CACNA2D1: variants seen among roughly 807,000 people sequenced by gnomAD.
CACNA2D1 encodes the protein voltage-dependent calcium channel subunit alpha-2/delta-1.
A neutral mutation model predicts 171.5 loss-of-function variants in CACNA2D1; 53 were observed. That is an observed-to-expected ratio of 0.31 (90% CI 0.25 to 0.39). The LOEUF (loss-of-function observed/expected upper bound fraction) is 0.39, where lower values mean the gene tolerates loss of function less well. CACNA2D1 is among the 10% of genes least tolerant of loss of function. CACNA2D1 has a pLI of 1.00. For missense variants in CACNA2D1, 903 were observed against 1,299.8 expected, an observed-to-expected ratio of 0.69 and a Z score of 4.69; for synonymous variants, 442 against 443.1, an observed-to-expected ratio of 1.00 and a Z score of 0.03.
chr7:82,048,376 A>C (rs2131289446), intron 10 of CACNA2D1, among the ~76,000 whole-genome samples: 1 of 152,286 alleles, frequency 6.6e-6, no homozygotes, highest in South Asian at 2.1e-4. Flanking sequence ...TGAACAAAAC[A>C]TTACAAAGGT....
intron 7 of CACNA2D1, among the ~76,000 whole-genome samples, chr7:82,073,843 C>T (rs977653742): frequency 9.2e-5 from 14 of 152,040 alleles, no homozygotes; most frequent in African/African-American, 2.9e-4. Flanking sequence ...TCAGGTGATC[C>T]GCCTGCCTCG....
intron 3 of CACNA2D1, among the ~76,000 whole-genome samples, chr7:82,304,358 A>T (rs1003257256): frequency 6.6e-6 from 1 of 151,962 alleles, no homozygotes; most frequent in South Asian, 2.1e-4. Context: ...TCCAAAAAAA[A>T]AAAAAAAGAA....
chr7:82,253,867 AT>A (rs1277996905), intron 3 of CACNA2D1, among the ~76,000 whole-genome samples: 1 of 152,080 alleles, frequency 6.6e-6, no homozygotes, highest in South Asian at 2.1e-4. Flanking sequence ...TAGATGGCAG[AT>A]TTTTTTTGGA....
At chr7:82,342,053 C>CA (rs60799157) in intron 2 of CACNA2D1, among the ~76,000 whole-genome samples, 13,375 of 65,368 alleles carry the variant, frequency 0.2, 2,610 homozygotes, top group East Asian at 0.41. Context: ...GACTCCGTCT[C>CA]AAAAAAAAAA....
intron 3 of CACNA2D1, among the ~76,000 whole-genome samples, chr7:82,212,904 T>C (rs898182035): frequency 2.1e-5 from 3 of 144,348 alleles, no homozygotes; most frequent in Non-Finnish European, 4.6e-5. Context: ...ATCCTAGTTC[T>C]TTTTTTTTTT....
chr7:82,431,782 G>A (rs1829699820), intron 1 of CACNA2D1, among the ~76,000 whole-genome samples: 1 of 100,672 alleles, frequency 9.9e-6, no homozygotes, highest in Non-Finnish European at 1.9e-5. Flanking sequence ...GCTCACGCCT[G>A]TAACCCCAGC....
chr7:82,335,283 C>T (rs758386948), intron 2 of CACNA2D1, 32 bp from the exon 3 acceptor site: 6 of 1,224,252 alleles, frequency 4.9e-6, no homozygotes, highest in Non-Finnish European at 7.2e-6. Context: ...CTAGTAAGAA[C>T]AATAGTTACT....
chr7:82,008,008 C>T (rs1799314445), intron 15 of CACNA2D1, among the ~76,000 whole-genome samples: 1 of 152,074 alleles, frequency 6.6e-6, no homozygotes, highest in Non-Finnish European at 1.5e-5. Context: ...AAGATAACTT[C>T]AAAAATAATC....
chr7:82,064,408 T>C, intron 8 of CACNA2D1, 54 bp from the exon 9 acceptor site: 2 of 1,330,934 alleles, frequency 1.5e-6, no homozygotes, highest in South Asian at 2.4e-5. Context: ...CAAACACTGA[T>C]ATTTGTTGAA....
chr7:82,001,956 A>G (rs182467778), intron 18 of CACNA2D1, among the ~76,000 whole-genome samples: 11 of 150,716 alleles, frequency 7.3e-5, no homozygotes, highest in Non-Finnish European at 1.2e-4. Context: ...TTTTTCTAGA[A>G]AAGTACGTAT....
chr7:82,432,994 T>G (rs1353296839), intron 1 of CACNA2D1, among the ~76,000 whole-genome samples: 2 of 152,118 alleles, frequency 1.3e-5, no homozygotes, highest in Non-Finnish European at 2.9e-5. Flanking sequence ...GAGACCAGCC[T>G]GACCAATATG....
At chr7:82,013,175 A>G (rs1800009480) in intron 14 of CACNA2D1, among the ~76,000 whole-genome samples, 1 of 151,944 alleles carries the variant, frequency 6.6e-6, no homozygotes, top group Non-Finnish European at 1.5e-5. Flanking sequence ...AAATTACATG[A>G]AATGTATTTT....
chr7:81,968,768 G>A (rs1482996432), intron 29 of CACNA2D1, 119 bp downstream of exon 29: 3 of 692,610 alleles, frequency 4.3e-6, no homozygotes, highest in Non-Finnish European at 7.9e-6. Flanking sequence ...AAGTGTGCAT[G>A]CCTTTATTTT....
chr7:82,012,759 ACATT>A (rs1799948455), intron 14 of CACNA2D1, among the ~76,000 whole-genome samples: 1 of 152,150 alleles, frequency 6.6e-6, no homozygotes, highest in Admixed American at 6.5e-5. Flanking sequence ...TTTCATTTCA[ACATT>A]CAGTGTATTC....
chr7:82,353,865 G>T (rs1820122821), intron 1 of CACNA2D1, among the ~76,000 whole-genome samples: 1 of 152,046 alleles, frequency 6.6e-6, no homozygotes, highest in Non-Finnish European at 1.5e-5. Flanking sequence ...ATTCAGGAGA[G>T]AACATGTAAT....
At chr7:82,352,806 T>G (rs1303436907) in intron 1 of CACNA2D1, among the ~76,000 whole-genome samples, 3 of 152,048 alleles carry the variant, frequency 2.0e-5, no homozygotes, top group Non-Finnish European at 4.4e-5. Flanking sequence ...GAAGTAACAA[T>G]GAAGGCAAAG....
At chr7:82,127,924 G>C (rs962176343) in intron 5 of CACNA2D1, among the ~76,000 whole-genome samples, 5 of 151,754 alleles carry the variant, frequency 3.3e-5, no homozygotes, top group African/African-American at 1.2e-4. Flanking sequence ...TTTGTTTTCT[G>C]AGGTTTTTTG....
At chr7:82,265,413 TTTC>T (rs1339252373) in intron 3 of CACNA2D1, among the ~76,000 whole-genome samples, 1 of 111,530 alleles carries the variant, frequency 9.0e-6, no homozygotes, top group African/African-American at 3.4e-5. Flanking sequence ...CAATTTTTCC[TTTC>T]TTTTTTTTTT....
chr7:82,397,090 C>A (rs1051401701), intron 1 of CACNA2D1, among the ~76,000 whole-genome samples: 1 of 152,096 alleles, frequency 6.6e-6, no homozygotes, highest in South Asian at 2.1e-4. Flanking sequence ...CATTCCACAC[C>A]GAGTACCAAC....
Sources: allele counts gnomAD v4.1 joint callset (sites outside exome capture counted in the v4.1 genomes callset), GRCh38; gene constraint gnomAD v4.1.1; transcripts MANE v1.5; gene names NCBI Gene and HGNC (gene_info 2026-07-23, HGNC 2026-07-21).